Variants in FHIT observed in about 807,000 individuals in gnomAD.
The protein encoded by FHIT is fragile histidine triad diadenosine triphosphatase.
FHIT carries 19 observed loss-of-function variants against 17.9 expected under a neutral mutation model. The ratio of observed to expected loss-of-function variants is 1.06; its 90% CI spans 0.74 to 1.56. FHIT has a LOEUF of 1.56. FHIT is among the 40% of genes most tolerant of loss of function. The probability of loss-of-function intolerance (pLI) is 0.00; values close to 1 mark genes in which losing one functional copy is unlikely to be tolerated. For missense variants in FHIT, 248 were observed against 189.2 expected (o/e 1.31, Z -1.82); for synonymous variants, 81 against 69.7 (o/e 1.16, Z -0.81).
In FHIT at chr3:61,157,187, C is replaced by CTA. The variant is rs1211983496; in HGVS notation, c.-164+43428_-164+43429dup. On this transcript the variant is annotated intron_variant, in intron 2 of 9. Transcript: ENST00000492590. The stretch of plus-strand genomic sequence containing the variant: ...TGTCCATATGTTGTAAGGGATACAT[C>CTA]TATATATATATACAGATTGTCTTGC... Among the ~76,000 whole-genome samples the CTA allele has an allele frequency of 2.5e-3, 383 of 151,784 alleles. 3 individuals are homozygous for CTA. Among genetic ancestry groups the CTA allele is most frequent in the African/African-American group, 8.7e-3 (361 of 41,412 alleles).
At chr3:60,921,218 A>T (rs1707263065) in intron 3 of FHIT, among the ~76,000 whole-genome samples, 1 of 152,328 alleles carries the variant, frequency 6.6e-6, no homozygotes, top group South Asian at 2.1e-4. Flanking sequence ...GTATGGCTGA[A>T]CCATAAAATG....
chr3:60,237,501 C>G (rs1704866890), intron 5 of FHIT, among the ~76,000 whole-genome samples: 2 of 152,106 alleles, frequency 1.3e-5, no homozygotes, highest in Non-Finnish European at 2.9e-5. Context: ...AGACAGGGAC[C>G]TTGATGAGTG....
At chr3:61,055,580 T>C (rs1484343207) in intron 2 of FHIT, among the ~76,000 whole-genome samples, 1 of 152,194 alleles carries the variant, frequency 6.6e-6, no homozygotes, top group Non-Finnish European at 1.5e-5. Flanking sequence ...TAGAACCAAG[T>C]ACTCTACAGT....
At chr3:60,254,815 T>C (rs1282178491) in intron 5 of FHIT, among the ~76,000 whole-genome samples, 2 of 152,180 alleles carry the variant, frequency 1.3e-5, no homozygotes, top group African/African-American at 4.8e-5. Flanking sequence ...AAATTACAAT[T>C]GTAAATGTCT....
At chr3:60,703,384 G>A (rs782649501) in intron 4 of FHIT, among the ~76,000 whole-genome samples, 35 of 152,154 alleles carry the variant, frequency 2.3e-4, no homozygotes, top group Non-Finnish European at 3.8e-4. Flanking sequence ...ATTACCAAAC[G>A]GTAATTTGTT....
chr3:60,012,198 G>C (rs1700164210), intron 6 of FHIT, among the ~76,000 whole-genome samples: 1 of 151,452 alleles, frequency 6.6e-6, no homozygotes, highest in Admixed American at 6.6e-5. Flanking sequence ...CCATTAGTGG[G>C]TCATGAAGTC....
intron 3 of FHIT, among the ~76,000 whole-genome samples, chr3:61,030,667 C>T (rs73106367): frequency 0.063 from 9,618 of 152,044 alleles, 328 homozygotes; most frequent in East Asian, 0.11. Flanking sequence ...GTATGTTGGA[C>T]GGACAGTTCA....
intron 8 of FHIT, among the ~76,000 whole-genome samples, chr3:59,883,359 C>T (rs1703485525): frequency 6.6e-6 from 1 of 152,158 alleles, no homozygotes; most frequent in Non-Finnish European, 1.5e-5. Flanking sequence ...ATTTAATGGA[C>T]TTACAGTTCC....
intron 4 of FHIT, among the ~76,000 whole-genome samples, chr3:60,730,855 G>A (rs955769926): frequency 1.3e-5 from 2 of 151,944 alleles, no homozygotes; most frequent in African/African-American, 4.8e-5. Flanking sequence ...AGTGGCTCAC[G>A]CCTGTAATCC....
chr3:59,894,355 A>C (rs1703976056), intron 8 of FHIT, among the ~76,000 whole-genome samples: 1 of 152,232 alleles, frequency 6.6e-6, no homozygotes, highest in African/African-American at 2.4e-5. Flanking sequence ...TATTATGAAC[A>C]TTAAATAAAT....
intron 4 of FHIT, among the ~76,000 whole-genome samples, chr3:60,628,863 G>T (rs1164425742): frequency 6.6e-6 from 1 of 152,148 alleles, no homozygotes; most frequent in Admixed American, 6.5e-5. Flanking sequence ...TGGAGCTCCA[G>T]AGCTGGCAGG....
intron 5 of FHIT, among the ~76,000 whole-genome samples, chr3:60,039,495 G>C (rs1413462465): frequency 6.6e-6 from 1 of 152,128 alleles, no homozygotes; most frequent in African/African-American, 2.4e-5. Flanking sequence ...TTAGGTGATG[G>C]GCAAGAGAGT....
chr3:60,055,051 T>A (rs75962668), intron 5 of FHIT, among the ~76,000 whole-genome samples: 1 of 152,146 alleles, frequency 6.6e-6, no homozygotes. Flanking sequence ...TGTCATTATA[T>A]GATTTTTCAC....
intron 8 of FHIT, among the ~76,000 whole-genome samples, chr3:59,796,461 G>A (rs1335139936): frequency 6.6e-6 from 1 of 152,142 alleles, no homozygotes; most frequent in African/African-American, 2.4e-5. Context: ...TCGAATGTCA[G>A]TCTTCAAAGA....
chr3:60,828,357 A>G (rs1280454317), intron 3 of FHIT, among the ~76,000 whole-genome samples: 1 of 152,000 alleles, frequency 6.6e-6, no homozygotes, highest in Non-Finnish European at 1.5e-5. Flanking sequence ...CCATTATTCA[A>G]TTTTCCTTCA....
At chr3:60,065,252 C>T (rs212011) in intron 5 of FHIT, among the ~76,000 whole-genome samples, 51,091 of 151,706 alleles carry the variant, frequency 0.34, 10,527 homozygotes, top group African/African-American at 0.59. Context: ...AGCTAGAATG[C>T]TTAGTACTTA....
intron 2 of FHIT, among the ~76,000 whole-genome samples, chr3:61,154,164 G>A (rs1021240919): frequency 3.9e-5 from 6 of 152,148 alleles, no homozygotes; most frequent in Admixed American, 1.3e-4. Flanking sequence ...AGGCTCGCAC[G>A]TGGCAGATTC....
At chr3:60,782,921 C>T (rs956292277) in intron 4 of FHIT, among the ~76,000 whole-genome samples, 3 of 152,144 alleles carry the variant, frequency 2.0e-5, no homozygotes, top group Admixed American at 6.5e-5. Flanking sequence ...TTCATGACGG[C>T]TCTGTCCTCA....
At chr3:60,979,217 T>C (rs1327475174) in intron 3 of FHIT, among the ~76,000 whole-genome samples, 1 of 152,178 alleles carries the variant, frequency 6.6e-6, no homozygotes, top group Non-Finnish European at 1.5e-5. Flanking sequence ...TCCTCCAATC[T>C]GAAATTGGGC....
Sources: allele counts gnomAD v4.1 joint callset (sites outside exome capture counted in the v4.1 genomes callset), GRCh38; gene constraint gnomAD v4.1.1; transcripts MANE v1.5; gene names NCBI Gene and HGNC (gene_info 2026-07-23, HGNC 2026-07-21).